The following LRRC4C variants were observed in gnomAD, a reference collection of about 807,000 sequenced individuals.
The protein encoded by LRRC4C is leucine rich repeat containing 4C.
A neutral mutation model predicts 33.6 loss-of-function variants in LRRC4C; 5 were observed. The observed-to-expected ratio is 0.15, with a 90% CI of 0.08 to 0.31. LRRC4C has a LOEUF of 0.31. Ranked by LOEUF, LRRC4C falls within the 10% of genes least tolerant of loss-of-function variation. The probability of loss-of-function intolerance (pLI) is 1.00; values close to 1 mark genes in which losing one functional copy is unlikely to be tolerated. For synonymous variants in LRRC4C, 329 were observed against 302.0 expected, an observed-to-expected ratio of 1.09 and a Z score of -0.93; for missense variants, 560 against 796.7, an observed-to-expected ratio of 0.70 and a Z score of 3.58.
chr11:40,500,289 TATATACACACACACAC>T (rs1430929890), intron 3 of LRRC4C, among the ~76,000 whole-genome samples: 278 of 83,616 alleles, frequency 3.3e-3, no homozygotes, highest in African/African-American at 0.012. Context: ...TATATATATA[TATATACACACACACAC>T]ACACACACAC....
intron 1 of LRRC4C, among the ~76,000 whole-genome samples, chr11:41,001,122 T>C (rs1854345272): frequency 6.6e-6 from 1 of 152,088 alleles, no homozygotes; most frequent in Admixed American, 6.6e-5. Flanking sequence ...TTAATATTTT[T>C]GACTGATTAA....
At chr11:40,290,439 G>GA in intron 4 of LRRC4C, among the ~76,000 whole-genome samples, 1 of 152,284 alleles carries the variant, frequency 6.6e-6, no homozygotes, top group South Asian at 2.1e-4. Flanking sequence ...CATGTGCCCA[G>GA]AAAAATAAAT....
At chr11:40,332,492 A>G (rs1183960899) in intron 3 of LRRC4C, among the ~76,000 whole-genome samples, 1 of 152,242 alleles carries the variant, frequency 6.6e-6, no homozygotes, top group Non-Finnish European at 1.5e-5. Flanking sequence ...ATAAGGTAAC[A>G]TAACTACCAG....
chr11:41,121,712 C>T (rs866520602), intron 1 of LRRC4C, among the ~76,000 whole-genome samples: 1 of 152,106 alleles, frequency 6.6e-6, no homozygotes, highest in African/African-American at 2.4e-5. Flanking sequence ...GGTTAGAACA[C>T]ATTGCCATAG....
intron 2 of LRRC4C, among the ~76,000 whole-genome samples, chr11:40,827,187 G>T (rs779774917): frequency 4.0e-5 from 6 of 151,794 alleles, no homozygotes; most frequent in African/African-American, 1.4e-4. Context: ...TTAATTGAAC[G>T]TATCTAGGAG....
chr11:40,189,108 C>T (rs1012916726), intron 5 of LRRC4C, among the ~76,000 whole-genome samples: 1 of 152,166 alleles, frequency 6.6e-6, no homozygotes, highest in Admixed American at 6.5e-5. Flanking sequence ...AGATTTAGGT[C>T]ACCCACCTGA....
chr11:40,633,896 A>C (rs759262314), intron 3 of LRRC4C, among the ~76,000 whole-genome samples: 5 of 152,238 alleles, frequency 3.3e-5, no homozygotes, highest in Non-Finnish European at 5.9e-5. Context: ...TAAAAATGAA[A>C]TACATATATG....
At chr11:41,360,013 T>C (rs2137659009) in intron 1 of LRRC4C, among the ~76,000 whole-genome samples, 1 of 152,194 alleles carries the variant, frequency 6.6e-6, no homozygotes, top group South Asian at 2.1e-4. Flanking sequence ...TGAAACCCCG[T>C]CTCTACTAAA....
At chr11:41,116,054 A>C (rs1346978240) in intron 1 of LRRC4C, among the ~76,000 whole-genome samples, 1 of 152,130 alleles carries the variant, frequency 6.6e-6, no homozygotes, top group Admixed American at 6.6e-5. Context: ...AACCTGTATT[A>C]CTTTTCATGT....
chr11:40,177,055 A>T (rs1382840861), intron 5 of LRRC4C, among the ~76,000 whole-genome samples: 1 of 147,994 alleles, frequency 6.8e-6, no homozygotes, highest in Non-Finnish European at 1.5e-5. Flanking sequence ...GCCTCCCAAC[A>T]CCATTCTCCT....
intron 1 of LRRC4C, among the ~76,000 whole-genome samples, chr11:41,046,064 T>A (rs1315419109): frequency 6.6e-6 from 1 of 152,180 alleles, no homozygotes; most frequent in Admixed American, 6.5e-5. Context: ...GCATAAATAT[T>A]TGAACTGGCC....
intron 3 of LRRC4C, among the ~76,000 whole-genome samples, chr11:40,567,175 T>C (rs1231025105): frequency 6.6e-6 from 1 of 152,166 alleles, no homozygotes; most frequent in Non-Finnish European, 1.5e-5. Flanking sequence ...TGTAATTTTA[T>C]AGTACTGCCT....
intron 3 of LRRC4C, among the ~76,000 whole-genome samples, chr11:40,582,403 C>CT (rs1460191268): frequency 6.6e-6 from 1 of 151,778 alleles, no homozygotes; most frequent in Admixed American, 6.6e-5. Context: ...AATTGCCTGG[C>CT]TGCTACAATC....
chr11:40,299,273 A>G (rs7131257), intron 4 of LRRC4C, among the ~76,000 whole-genome samples: 1,882 of 152,316 alleles, frequency 0.012, 53 homozygotes, highest in African/African-American at 0.044. Context: ...CTTTCCTGAT[A>G]GCACCTGTTG....
chr11:40,498,950 A>G (rs1266304153), intron 3 of LRRC4C, among the ~76,000 whole-genome samples: 3 of 152,178 alleles, frequency 2.0e-5, no homozygotes, highest in Non-Finnish European at 2.9e-5. Flanking sequence ...CGTTGAGATG[A>G]TAGAAGATTA....
At chr11:40,678,119 C>T (rs1233517784) in intron 2 of LRRC4C, among the ~76,000 whole-genome samples, 3 of 151,664 alleles carry the variant, frequency 2.0e-5, no homozygotes, top group Non-Finnish European at 2.9e-5. Flanking sequence ...AATACTATTC[C>T]TCACACATCA....
chr11:40,343,631 T>C (rs977316246), intron 3 of LRRC4C, among the ~76,000 whole-genome samples: 2 of 146,214 alleles, frequency 1.4e-5, no homozygotes. Context: ...GTTTTTAATA[T>C]GGAGTGATAT....
chr11:40,327,193 G>A (rs1341657190), intron 3 of LRRC4C, among the ~76,000 whole-genome samples: 1 of 152,190 alleles, frequency 6.6e-6, no homozygotes, highest in Non-Finnish European at 1.5e-5. Context: ...TAAGCCTCCT[G>A]TTGACTTCTC....
intron 4 of LRRC4C, among the ~76,000 whole-genome samples, chr11:40,301,649 G>A (rs1340971730): frequency 6.6e-6 from 1 of 151,988 alleles, no homozygotes; most frequent in African/African-American, 2.4e-5. Flanking sequence ...AGACAGTGCA[G>A]ATTCAAGAAA....
Sources: allele counts gnomAD v4.1 joint callset (sites outside exome capture counted in the v4.1 genomes callset), GRCh38; gene constraint gnomAD v4.1.1; transcripts MANE v1.5; gene names NCBI Gene and HGNC (gene_info 2026-07-23, HGNC 2026-07-21).